NTNG1: variants seen among roughly 807,000 people sequenced by gnomAD.
NTNG1 encodes the protein netrin-G1.
Under a neutral mutation model 54.0 loss-of-function variants are expected in NTNG1, and 16 were observed. The ratio of observed to expected loss-of-function variants is 0.30; its 90% CI spans 0.20 to 0.45. NTNG1 has a LOEUF of 0.45. Ranked by LOEUF, NTNG1 falls within the 20% of genes least tolerant of loss-of-function variation. NTNG1 has a pLI of 1.00. For synonymous variants in NTNG1, 255 were observed against 263.1 expected, an observed-to-expected ratio of 0.97 and a Z score of 0.30; for missense variants, 530 against 678.7, an observed-to-expected ratio of 0.78 and a Z score of 2.43.
chr1:107,433,937 T>A (rs1025448560), intron 6 of NTNG1, among the ~76,000 whole-genome samples: 6 of 152,160 alleles, frequency 3.9e-5, no homozygotes, highest in African/African-American at 1.2e-4. Flanking sequence ...CTAAAGGGCT[T>A]GCGGCAGGAC....
At chr1:107,160,931 A>G (rs1188021199) in intron 2 of NTNG1, among the ~76,000 whole-genome samples, 5 of 152,306 alleles carry the variant, frequency 3.3e-5, no homozygotes, top group Non-Finnish European at 5.9e-5. Flanking sequence ...TATGGGGATT[A>G]TAGTAAAAAT....
intron 2 of NTNG1, among the ~76,000 whole-genome samples, chr1:107,294,223 T>C (rs889710883): frequency 2.6e-5 from 4 of 152,188 alleles, no homozygotes; most frequent in Non-Finnish European, 5.9e-5. Context: ...TCCAGAGCTT[T>C]TAATTTGATA....
At chr1:107,182,734 T>C (rs952094233) in intron 2 of NTNG1, among the ~76,000 whole-genome samples, 2 of 152,140 alleles carry the variant, frequency 1.3e-5, no homozygotes, top group African/African-American at 4.8e-5. Context: ...TTGGGACCAC[T>C]GATGCATTCA....
At chr1:107,468,953 A>C (rs975303905) in intron 7 of NTNG1, among the ~76,000 whole-genome samples, 1 of 151,980 alleles carries the variant, frequency 6.6e-6, no homozygotes, top group Non-Finnish European at 1.5e-5. Context: ...AAAATTAGCT[A>C]GGAGTGGTGG....
At chr1:107,170,965 T>C (rs940022532) in intron 2 of NTNG1, among the ~76,000 whole-genome samples, 8 of 152,108 alleles carry the variant, frequency 5.3e-5, no homozygotes, top group Non-Finnish European at 1.0e-4. Context: ...ATCGTACAAA[T>C]ATTTAGTGTC....
At chr1:107,391,300 G>T (rs1672342109) in intron 3 of NTNG1, among the ~76,000 whole-genome samples, 1 of 152,134 alleles carries the variant, frequency 6.6e-6, no homozygotes, top group Non-Finnish European at 1.5e-5. Flanking sequence ...TTCCAGAAGT[G>T]ACCCAAAATA....
intron 3 of NTNG1, among the ~76,000 whole-genome samples, chr1:107,333,018 T>G (rs185757865): frequency 2.6e-4 from 39 of 152,072 alleles, no homozygotes; most frequent in Admixed American, 5.3e-4. Flanking sequence ...ATGGAAAGGC[T>G]TTGAATATGT....
At chr1:107,173,727 CTTTT>C (rs34761958) in intron 2 of NTNG1, among the ~76,000 whole-genome samples, 1 of 118,612 alleles carries the variant, frequency 8.4e-6, no homozygotes, top group African/African-American at 3.4e-5. Context: ...TTCTTTCTTT[CTTTT>C]TTTTTTTTTG....
chr1:107,454,210 G>A (rs1191476853), intron 7 of NTNG1, among the ~76,000 whole-genome samples: 1 of 152,156 alleles, frequency 6.6e-6, no homozygotes, highest in East Asian at 1.9e-4. Context: ...AGCAAGCAGT[G>A]ACTGACAAGG....
intron 2 of NTNG1, among the ~76,000 whole-genome samples, chr1:107,156,741 T>C (rs768004079): frequency 6.6e-5 from 10 of 152,146 alleles, no homozygotes; most frequent in Non-Finnish European, 1.0e-4. Flanking sequence ...AGAACTGCCA[T>C]TGAATGTATA....
chr1:107,175,359 G>A (rs1030870012), intron 2 of NTNG1, among the ~76,000 whole-genome samples: 3 of 152,168 alleles, frequency 2.0e-5, no homozygotes, highest in African/African-American at 4.8e-5. Flanking sequence ...CCAGCACACA[G>A]CAGGTAGTAA....
At chr1:107,420,864 T>C (rs1674529918) in intron 5 of NTNG1, among the ~76,000 whole-genome samples, 1 of 152,018 alleles carries the variant, frequency 6.6e-6, no homozygotes, top group Non-Finnish European at 1.5e-5. Flanking sequence ...GATTTTTCCC[T>C]CTGAAAAGAA....
intron 2 of NTNG1, among the ~76,000 whole-genome samples, chr1:107,272,801 C>T (rs1664229533): frequency 1.3e-5 from 2 of 152,136 alleles, no homozygotes; most frequent in Admixed American, 6.5e-5. Context: ...TACATTTGGC[C>T]TTCATTAGTG....
intron 2 of NTNG1, among the ~76,000 whole-genome samples, chr1:107,209,365 C>CT (rs1276202388): frequency 6.6e-6 from 1 of 151,970 alleles, no homozygotes; most frequent in African/African-American, 2.4e-5. Context: ...AAAATATACT[C>CT]TTAAGGAAGG....
At chr1:107,373,457 T>G (rs529764935) in intron 3 of NTNG1, among the ~76,000 whole-genome samples, 1 of 152,164 alleles carries the variant, frequency 6.6e-6, no homozygotes, top group South Asian at 2.1e-4. Flanking sequence ...TCATTTTTGT[T>G]TTAACAATTA....
At chr1:107,437,699 A>G (rs1048848081) in intron 7 of NTNG1, among the ~76,000 whole-genome samples, 11 of 152,206 alleles carry the variant, frequency 7.2e-5, no homozygotes, top group Non-Finnish European at 1.2e-4. Flanking sequence ...ATTAATTTTA[A>G]TAACTATTAT....
intron 3 of NTNG1, among the ~76,000 whole-genome samples, chr1:107,386,075 A>G (rs1220113349): frequency 2.0e-5 from 3 of 147,738 alleles, no homozygotes; most frequent in Non-Finnish European, 4.5e-5. Flanking sequence ...GTATATATAC[A>G]TATATATACT....
At chr1:107,179,318 T>G (rs185108999) in intron 2 of NTNG1, among the ~76,000 whole-genome samples, 5 of 152,324 alleles carry the variant, frequency 3.3e-5, no homozygotes, top group African/African-American at 1.2e-4. Context: ...TATTATCTTT[T>G]AAATAACTCT....
At chr1:107,231,719 G>A (rs920570025) in intron 2 of NTNG1, among the ~76,000 whole-genome samples, 14 of 152,064 alleles carry the variant, frequency 9.2e-5, no homozygotes, top group African/African-American at 3.1e-4. Context: ...ATTGAAGGAG[G>A]GCCAGTTCCC....
Sources: allele counts gnomAD v4.1 joint callset (sites outside exome capture counted in the v4.1 genomes callset), GRCh38; gene constraint gnomAD v4.1.1; transcripts MANE v1.5; gene names NCBI Gene and HGNC (gene_info 2026-07-23, HGNC 2026-07-21).